The following RABGAP1L variants were observed in gnomAD, a reference collection of about 807,000 sequenced individuals.
RABGAP1L encodes rab GTPase-activating protein 1-like.
A neutral mutation model predicts 137.7 loss-of-function variants in RABGAP1L; 63 were observed. The ratio of observed to expected loss-of-function variants is 0.46; its 90% CI spans 0.37 to 0.56. The LOEUF (loss-of-function observed/expected upper bound fraction) is 0.56. Ranked by LOEUF, RABGAP1L falls within the 20% of genes least tolerant of loss-of-function variation. The probability of loss-of-function intolerance (pLI) is 0.00; values close to 1 mark genes in which losing one functional copy is unlikely to be tolerated. For missense variants in RABGAP1L, 1,095 were observed against 1,244.0 expected, an observed-to-expected ratio of 0.88 and a Z score of 1.80; for synonymous variants, 431 against 433.7, an observed-to-expected ratio of 0.99 and a Z score of 0.08.
intron 20 of RABGAP1L, among the ~76,000 whole-genome samples, chr1:174,960,186 TTTTTTAAAGCCCACATATGTTA>T (rs1473940262): frequency 6.6e-6 from 1 of 152,196 alleles, no homozygotes. Context: ...GGGAAATTTA[TTTTTTAAAGCCCACATATGTTA>T]TATAATAAGA....
chr1:174,522,213 A>G (rs1447732626), intron 13 of RABGAP1L, among the ~76,000 whole-genome samples: 1 of 152,218 alleles, frequency 6.6e-6, no homozygotes, highest in African/African-American at 2.4e-5. Context: ...TATAGTTGCC[A>G]GGACTGTGGA....
chr1:174,483,059 G>T (rs1482379596), intron 13 of RABGAP1L, among the ~76,000 whole-genome samples: 1 of 152,042 alleles, frequency 6.6e-6, no homozygotes, highest in Non-Finnish European at 1.5e-5. Context: ...ATATATGCAT[G>T]CAATATGTAA....
chr1:174,902,999 G>A (rs1310775402), intron 19 of RABGAP1L, among the ~76,000 whole-genome samples: 1 of 152,204 alleles, frequency 6.6e-6, no homozygotes, highest in Non-Finnish European at 1.5e-5. Flanking sequence ...GGAAGTTAAG[G>A]AAACTGGCTA....
chr1:174,225,233 T>C (rs1432784804), intron 3 of RABGAP1L, among the ~76,000 whole-genome samples: 1 of 152,132 alleles, frequency 6.6e-6, no homozygotes, highest in Non-Finnish European at 1.5e-5. Flanking sequence ...TTTTTCTGTT[T>C]TTAAATTTAC....
At chr1:174,814,408 C>A (rs548999870) in intron 19 of RABGAP1L, among the ~76,000 whole-genome samples, 65 of 152,032 alleles carry the variant, frequency 4.3e-4, no homozygotes, top group Non-Finnish European at 7.2e-4. Context: ...CACGGGACAC[C>A]ATTTCATTTA....
intron 19 of RABGAP1L, among the ~76,000 whole-genome samples, chr1:174,910,336 T>C (rs185280979): frequency 1.3e-4 from 20 of 152,314 alleles, no homozygotes; most frequent in Admixed American, 7.8e-4. Context: ...TCAGCATCCC[T>C]TTATGATAAA....
intron 1 of RABGAP1L, among the ~76,000 whole-genome samples, chr1:174,214,364 T>C (rs1232362483): frequency 6.6e-6 from 1 of 152,172 alleles, no homozygotes; most frequent in African/African-American, 2.4e-5. Context: ...AGATATTCCA[T>C]GTTCATGGGT....
intron 13 of RABGAP1L, among the ~76,000 whole-genome samples, chr1:174,591,561 TC>T: frequency 5.4e-5 from 2 of 36,782 alleles, no homozygotes; most frequent in Admixed American, 3.9e-4. Flanking sequence ...GTTTCATCTT[TC>T]TACATATGGC....
intron 18 of RABGAP1L, among the ~76,000 whole-genome samples, chr1:174,766,395 C>T (rs1685672455): frequency 6.6e-6 from 1 of 152,166 alleles, no homozygotes; most frequent in African/African-American, 2.4e-5. Context: ...GCATCCTTGT[C>T]AAAAATCAGT....
chr1:174,536,949 G>A (rs1664941163), intron 13 of RABGAP1L, among the ~76,000 whole-genome samples: 1 of 152,098 alleles, frequency 6.6e-6, no homozygotes, highest in African/African-American at 2.4e-5. Flanking sequence ...GAAAGTTCTT[G>A]TAAAACCAAG....
intron 23 of RABGAP1L, 55 bp downstream of exon 23, chr1:174,978,945 A>T (rs970637954): frequency 1.5e-5 from 18 of 1,165,360 alleles, no homozygotes; most frequent in African/African-American, 8.3e-5. Flanking sequence ...TATAAAAGTA[A>T]TTTTTTTTTT....
At chr1:174,644,774 A>G (rs1226700322) in intron 14 of RABGAP1L, among the ~76,000 whole-genome samples, 1 of 152,118 alleles carries the variant, frequency 6.6e-6, no homozygotes, top group Non-Finnish European at 1.5e-5. Context: ...GCAGTTGACA[A>G]TATTTTTATA....
intron 18 of RABGAP1L, among the ~76,000 whole-genome samples, chr1:174,810,786 G>T (rs2148854990): frequency 6.6e-6 from 1 of 152,118 alleles, no homozygotes; most frequent in Non-Finnish European, 1.5e-5. Flanking sequence ...TATACAGAAA[G>T]TATAACAAAA....
At chr1:174,874,075 T>C (rs1300297515) in intron 19 of RABGAP1L, among the ~76,000 whole-genome samples, 2 of 152,180 alleles carry the variant, frequency 1.3e-5, no homozygotes, top group East Asian at 3.9e-4. Flanking sequence ...TAGCTACTAG[T>C]ATGGAATACT....
chr1:174,598,805 A>G (rs961166856), intron 13 of RABGAP1L, among the ~76,000 whole-genome samples: 1 of 151,498 alleles, frequency 6.6e-6, no homozygotes, highest in African/African-American at 2.4e-5. Context: ...TTGATGAAAT[A>G]TTTCTTGTAG....
chr1:174,629,770 C>A (rs1486887821), intron 13 of RABGAP1L, among the ~76,000 whole-genome samples: 1 of 152,140 alleles, frequency 6.6e-6, no homozygotes, highest in Admixed American at 6.6e-5. Context: ...GCAATCCGCC[C>A]GCCTCAGCCT....
At chr1:174,956,735 C>A (rs1022597464) in intron 19 of RABGAP1L, among the ~76,000 whole-genome samples, 1 of 151,612 alleles carries the variant, frequency 6.6e-6, no homozygotes, top group Non-Finnish European at 1.5e-5. Context: ...GCAACCTCAG[C>A]TTCCCAGGTT....
At chr1:174,402,859 C>T (rs1192009699) in intron 13 of RABGAP1L, among the ~76,000 whole-genome samples, 2 of 152,070 alleles carry the variant, frequency 1.3e-5, no homozygotes, top group African/African-American at 4.8e-5. Flanking sequence ...TATTCTTAGC[C>T]ATTTGAAATG....
intron 13 of RABGAP1L, among the ~76,000 whole-genome samples, chr1:174,623,456 C>G (rs1345610491): frequency 1.3e-5 from 2 of 152,170 alleles, no homozygotes; most frequent in East Asian, 3.9e-4. Context: ...CTGTTATACT[C>G]ATAGTTACAG....
Sources: allele counts gnomAD v4.1 joint callset (sites outside exome capture counted in the v4.1 genomes callset), GRCh38; gene constraint gnomAD v4.1.1; transcripts MANE v1.5; gene names NCBI Gene and HGNC (gene_info 2026-07-23, HGNC 2026-07-21).